TDRKH: variants seen among roughly 807,000 people sequenced by gnomAD.
The protein encoded by TDRKH is tudor and KH domain containing, also known as tudor and KH domain-containing protein.
In TDRKH, 28 loss-of-function variants were observed where a neutral mutation model predicts 61.3. The observed-to-expected ratio is 0.46, with a 90% CI of 0.34 to 0.63. The LOEUF is 0.63. Among genes scored for constraint, TDRKH ranks in the 20% least tolerant of loss-of-function variants. The pLI, the probability that TDRKH is intolerant of heterozygous loss-of-function variation, is 0.01. For missense variants in TDRKH, 540 were observed against 683.4 expected (o/e 0.79, Z 2.34); for synonymous variants, 219 against 244.4 (o/e 0.90, Z 0.97).
At chr1:151,774,892 T>C in intron 11 of TDRKH, 86 bp from the exon 12 acceptor site, 2 of 1,490,122 alleles carry the variant, frequency 1.3e-6, no homozygotes, top group Non-Finnish European at 1.9e-6. Context: ...TCATAGGACC[T>C]GGTTAAGGCA....
intron 1 of TDRKH, among the ~76,000 whole-genome samples, chr1:151,787,002 C>T (rs1558151059): frequency 6.6e-6 from 1 of 152,128 alleles, no homozygotes; most frequent in Admixed American, 6.5e-5. Context: ...TTTAAATACA[C>T]TGCAAATAAA....
At chr1:151,766,944 A>T (rs907907308), downstream of TDRKH, 8 of 1,448,028 alleles carry the variant, frequency 5.5e-6, no homozygotes, top group African/African-American at 4.2e-5. Flanking sequence ...GGAAAAAGTA[A>T]AAGAATTTGA....
At chr1:151,781,137 G>A (rs1649721321) in intron 3 of TDRKH, among the ~76,000 whole-genome samples, 2 of 150,654 alleles carry the variant, frequency 1.3e-5, no homozygotes, top group Non-Finnish European at 3.0e-5. Context: ...CCAACATGAC[G>A]AAACCTCGTC....
downstream of TDRKH, among the ~76,000 whole-genome samples, chr1:151,773,014 C>T (rs556653568): frequency 5.9e-5 from 9 of 152,236 alleles, no homozygotes; most frequent in East Asian, 1.7e-3. Context: ...CAGGTGCCTG[C>T]CACCACGCCC....
chr1:151,766,494 C>G (rs1426270280), downstream of TDRKH: 1 of 535,010 alleles, frequency 1.9e-6, no homozygotes, highest in Non-Finnish European at 3.3e-6. Context: ...TCTTCAAGTT[C>G]TATTTTTTAA....
downstream of TDRKH, chr1:151,771,011 A>C (rs141878892): frequency 2.8e-3 from 4,271 of 1,506,406 alleles, 13 homozygotes; most frequent in Non-Finnish European, 3.3e-3. Flanking sequence ...GAAGAAATCA[A>C]ATCTGGGGGC....
rs1204652366 is a variant in TDRKH, at chr1:151,773,762, A to C, written c.*690T>G. On this transcript the variant is annotated 3_prime_UTR_variant, in exon 13 of 13. Coordinates refer to ENST00000368824, the MANE Select transcript of TDRKH (RefSeq NM_001083965.2). Reference sequence around the variant, plus strand: ...GGCAGTATTCTCTTCCCACTTCCTGAGGCTTTTAAATATAATTATGCTAAT... The same window carrying C: ...GGCAGTATTCTCTTCCCACTTCCTGCGGCTTTTAAATATAATTATGCTAAT... The C allele has an allele frequency of 1.3e-5, 2 of 152,124 alleles. No homozygotes were observed. The highest frequency in any genetic ancestry group is 4.8e-5 in the African/African-American group (2 of 41,424). The allele number at this position is 152,124 out of a possible 1,614,324, so 9.4% of individuals were successfully genotyped here.
chr1:151,788,306 T>G (rs1360132927), intron 1 of TDRKH, among the ~76,000 whole-genome samples: 1 of 152,188 alleles, frequency 6.6e-6, no homozygotes, highest in Non-Finnish European at 1.5e-5. Context: ...TTCAAGCCAA[T>G]AAATATCGAA....
downstream of TDRKH, chr1:151,771,375 T>G (rs1648698454): frequency 1.4e-6 from 2 of 1,426,138 alleles, no homozygotes; most frequent in Middle Eastern, 2.6e-4. Context: ...TAGGGTTGAC[T>G]GGAGTGGGAT....
chr1:151,788,601 C>T (rs144426686), intron 1 of TDRKH, among the ~76,000 whole-genome samples: 3 of 152,268 alleles, frequency 2.0e-5, no homozygotes, highest in Admixed American at 6.5e-5. Context: ...CCATTAATAA[C>T]GTTGCAATTT....
intron 1 of TDRKH, among the ~76,000 whole-genome samples, chr1:151,787,381 G>A (rs1016173959): frequency 5.3e-5 from 8 of 152,106 alleles, no homozygotes; most frequent in African/African-American, 1.9e-4. Flanking sequence ...ACCATGCCCA[G>A]CTAATTTATG....
At chr1:151,769,830 C>T (rs149913058), downstream of TDRKH, among the ~76,000 whole-genome samples, 2 of 152,370 alleles carry the variant, frequency 1.3e-5, no homozygotes, top group East Asian at 3.9e-4. Flanking sequence ...CCCGGCACCT[C>T]AGGAGGCCGA....
At chr1:151,786,862 T>G (rs981695933) in intron 1 of TDRKH, among the ~76,000 whole-genome samples, 1 of 152,180 alleles carries the variant, frequency 6.6e-6, no homozygotes, top group African/African-American at 2.4e-5. Flanking sequence ...TTAGAGACTA[T>G]CAATCTGAGG....
chr1:151,766,801 C>T (rs757571077), downstream of TDRKH: 30 of 1,598,548 alleles, frequency 1.9e-5, no homozygotes, highest in Non-Finnish European at 2.3e-5. Context: ...TACCTCTACC[C>T]GATCTGGTCA....
At chr1:151,767,933 T>C (rs1648421476), downstream of TDRKH, 1 of 1,242,768 alleles carries the variant, frequency 8.0e-7, no homozygotes, top group Admixed American at 2.4e-5. Context: ...TATTGCATCT[T>C]TAAGATCTTG....
Position 151,776,457 on chromosome 1 carries a change from C to A in TDRKH, c.1026G>T (p.Gln342His), listed in dbSNP as rs1336898079. 6.2e-7 allele frequency: 1 copy of A among 1,614,222 alleles called. No homozygotes were observed. Among genetic ancestry groups the A allele is most frequent in the African/African-American group, 1.3e-5 (1 of 75,050 alleles). ...QLDKLVNEMTQHYENSVPEDL... is the reference protein window; with the variant it reads ...QLDKLVNEMTHHYENSVPEDL... Reference sequence around the variant, plus strand: ...AACTCACCACACTATTCTCATAGTGCTGGGTCATCTCATTGACAAGCTTAT... The same window carrying A: ...AACTCACCACACTATTCTCATAGTGATGGGTCATCTCATTGACAAGCTTAT... Residue 342 changes from glutamine to histidine, a missense_variant, in exon 7 of 13, where the codon CAG becomes CAT. Gln to His is a conservative substitution (Grantham distance 24). This residue lies in a region of TDRKH where 379 missense variants were observed against 443.8 expected (regional missense o/e 0.85). Transcript: ENST00000368824.
At chr1:151,768,600 C>T (rs1009002897), downstream of TDRKH, among the ~76,000 whole-genome samples, 1 of 152,170 alleles carries the variant, frequency 6.6e-6, no homozygotes, top group Non-Finnish European at 1.5e-5. Context: ...GGGTGGAGGG[C>T]AGAAAACGAC....
intron 1 of TDRKH, among the ~76,000 whole-genome samples, chr1:151,787,595 C>G (rs1464634116): frequency 6.6e-6 from 1 of 152,006 alleles, no homozygotes; most frequent in African/African-American, 2.4e-5. Context: ...AGTGCTAGCT[C>G]TTTCTTGTGT....
chr1:151,772,819 CT>C (rs1648800193), downstream of TDRKH, among the ~76,000 whole-genome samples: 1 of 152,124 alleles, frequency 6.6e-6, no homozygotes, highest in Non-Finnish European at 1.5e-5. Flanking sequence ...TAATCTGGGC[CT>C]TTTCTTTTGA....
Sources: gnomAD v4.1 joint callset for allele counts (sites outside exome capture counted in the v4.1 genomes callset) on GRCh38, gnomAD v4.1.1 for gene constraint, gnomAD v4.1.1 regional missense constraint, MANE v1.5 for transcripts, NCBI Gene and HGNC (gene_info 2026-07-23, HGNC 2026-07-21) for gene names.